Variants in MYO5B observed in about 807,000 individuals in gnomAD.
The protein encoded by MYO5B is unconventional myosin-Vb.
MYO5B carries 143 observed loss-of-function variants against 229.3 expected under a neutral mutation model. The ratio of observed to expected loss-of-function variants is 0.62; its 90% CI spans 0.54 to 0.72. The LOEUF (loss-of-function observed/expected upper bound fraction) is 0.72, where lower values mean the gene tolerates loss of function less well. Among genes scored for constraint, MYO5B ranks in the 30% least tolerant of loss-of-function variants. The pLI is 0.00. For synonymous variants in MYO5B, 918 were observed against 885.2 expected (o/e 1.04, Z -0.66); for missense variants, 2,321 against 2,331.0 (o/e 1.00, Z 0.09).
At chr18:49,896,749 G>A (rs1350630331) in intron 21 of MYO5B, among the ~76,000 whole-genome samples, 1 of 152,124 alleles carries the variant, frequency 6.6e-6, no homozygotes, top group Non-Finnish European at 1.5e-5. Context: ...GTATCCAGGA[G>A]GCCCAGCTGC....
At position 49,843,124 on chromosome 18, in the gene MYO5B, A is replaced by G; in HGVS notation, c.4611+117T>C. On this transcript the variant is annotated intron_variant, in intron 34 of 39. Coordinates refer to ENST00000285039, the MANE Select transcript of MYO5B (RefSeq NM_001080467.3). ...ATGCTTCTGTGGCTCATTTACCTTCAAAGTTGGAGCCCTAGGAGCATTCAC... is the reference window on the plus strand; with the variant it reads ...ATGCTTCTGTGGCTCATTTACCTTCGAAGTTGGAGCCCTAGGAGCATTCAC... 2.2e-6 allele frequency: 3 copies of G among 1,345,428 alleles called. No individual in the cohort carries two copies. In the East Asian group the frequency reaches 7.0e-5, roughly 32 times the overall value. 83.3% of individuals were successfully genotyped at this position (1,345,428 alleles called of 1,614,324 possible).
intron 26 of MYO5B, among the ~76,000 whole-genome samples, chr18:49,874,603 CAATT>C (rs2024494943): frequency 6.6e-6 from 1 of 152,170 alleles, no homozygotes; most frequent in Admixed American, 6.5e-5. Context: ...ATCTGTATCA[CAATT>C]GATTGCAAAG....
At position 49,834,943 on chromosome 18, in the gene MYO5B, T is replaced by C. The variant is rs201482785; in HGVS notation, c.5394+401A>G. On this transcript the variant is annotated intron_variant, in intron 39 of 39. Transcript: ENST00000285039. The stretch of plus-strand genomic sequence containing the variant: ...GTGAGCCACCGCACCTGGCCTATAT[T>C]ATAAGTCTTAGACAAAGATTTAAGA... Among the ~76,000 whole-genome samples, 9 of 152,308 alleles carry C rather than the reference T, an allele frequency of 5.9e-5. No homozygotes were observed. The East Asian group carries it at 1.5e-3, about 26-fold the overall frequency.
intron 1 of MYO5B, among the ~76,000 whole-genome samples, chr18:50,076,582 G>A (rs547865009): frequency 6.6e-6 from 1 of 152,170 alleles, no homozygotes; most frequent in African/African-American, 2.4e-5. Context: ...CCTTGGGCTT[G>A]TCAAATTCCT....
At chr18:49,890,885 G>A (rs535616409) in intron 22 of MYO5B, among the ~76,000 whole-genome samples, 1 of 152,316 alleles carries the variant, frequency 6.6e-6, no homozygotes, top group South Asian at 2.1e-4. Flanking sequence ...TAAAGCAAAA[G>A]TTGAAAATCA....
At chr18:49,830,145 CCACACACA>C (rs57718809) in intron 39 of MYO5B, among the ~76,000 whole-genome samples, 3,760 of 150,008 alleles carry the variant, frequency 0.025, 140 homozygotes, top group South Asian at 0.12. Flanking sequence ...CTGAAAGAAT[CCACACACA>C]CACACACACA....
intron 29 of MYO5B, among the ~76,000 whole-genome samples, chr18:49,858,690 T>C (rs2024292419): frequency 6.6e-6 from 1 of 152,236 alleles, no homozygotes; most frequent in Non-Finnish European, 1.5e-5. Flanking sequence ...CACAGGGCCA[T>C]ACTCCCAGAA....
In MYO5B at chr18:49,990,469, C is replaced by T. The variant is rs1047868917; in HGVS notation, c.808G>A (p.Gly270Ser). The T allele has an allele frequency of 2.2e-5, 36 of 1,613,720 alleles. No individual in the cohort carries two copies. The highest frequency in any genetic ancestry group is 6.7e-5 in the East Asian group (3 of 44,874). The part of the protein sequence containing the change: ...HIFYQLCAAA[G>S]LPEFKELALT... The stretch of plus-strand genomic sequence containing the variant: ...GCAAGCTCTTTAAATTCTGGAAGAC[C>T]GGCAGCAGCACAGAGCTGGTAAAAG... Residue 270 changes from glycine (G) to serine (S), a missense_variant, in exon 7 of 40, where the codon GGT becomes AGT. Gly to Ser is a moderately conservative substitution (Grantham distance 56). Coordinates refer to ENST00000285039, the MANE Select transcript of MYO5B (RefSeq NM_001080467.3).
chr18:50,159,629 T>G (rs2032734092), intron 1 of MYO5B, among the ~76,000 whole-genome samples: 1 of 152,140 alleles, frequency 6.6e-6, no homozygotes, highest in East Asian at 1.9e-4. Flanking sequence ...CCCCACAGAC[T>G]TGTCTCCCAA....
chr18:50,046,787 T>A (rs2030239756), intron 2 of MYO5B, among the ~76,000 whole-genome samples: 1 of 152,164 alleles, frequency 6.6e-6, no homozygotes, highest in Non-Finnish European at 1.5e-5. Context: ...TAACGCCGCA[T>A]ATCTACAACT....
At chr18:49,871,593 A>G (rs1445119353) in intron 27 of MYO5B, 1 of 160,274 alleles carries the variant, frequency 6.2e-6, no homozygotes, top group African/African-American at 2.4e-5. Context: ...CAGGGGAAGG[A>G]ATAGAACAAG....
chr18:50,031,759 C>G (rs903109569), intron 4 of MYO5B, among the ~76,000 whole-genome samples: 3 of 152,184 alleles, frequency 2.0e-5, no homozygotes, highest in Non-Finnish European at 4.4e-5. Flanking sequence ...ATATTATTTC[C>G]TTATCCAAGA....
At chr18:49,960,747 G>A (rs2025549745) in intron 12 of MYO5B, among the ~76,000 whole-genome samples, 1 of 152,190 alleles carries the variant, frequency 6.6e-6, no homozygotes, top group Non-Finnish European at 1.5e-5. Context: ...CACATCCACA[G>A]TACCACCCAA....
intron 1 of MYO5B, among the ~76,000 whole-genome samples, chr18:50,070,725 G>A (rs2030936428): frequency 6.6e-6 from 1 of 152,000 alleles, no homozygotes; most frequent in African/African-American, 2.4e-5. Flanking sequence ...GTTCATACAA[G>A]ACTGTTCGCA....
intron 14 of MYO5B, among the ~76,000 whole-genome samples, chr18:49,951,135 C>G (rs577377615): frequency 5.9e-5 from 9 of 152,302 alleles, no homozygotes; most frequent in African/African-American, 2.2e-4. Context: ...GGGGGAATTA[C>G]GTGCATCCTG....
intron 21 of MYO5B, among the ~76,000 whole-genome samples, chr18:49,901,802 C>T (rs1444012891): frequency 6.6e-6 from 1 of 152,206 alleles, no homozygotes; most frequent in African/African-American, 2.4e-5. Flanking sequence ...AAACCTCGGC[C>T]CTGCCACTGC....
At chr18:50,034,600 C>T (rs1336291715) in intron 4 of MYO5B, among the ~76,000 whole-genome samples, 2 of 152,114 alleles carry the variant, frequency 1.3e-5, no homozygotes, top group East Asian at 3.9e-4. Flanking sequence ...AAATATTAGC[C>T]AGGTGTGGTG....
intron 31 of MYO5B, among the ~76,000 whole-genome samples, chr18:49,851,754 AG>A (rs2024203111): frequency 6.6e-6 from 1 of 152,122 alleles, no homozygotes; most frequent in South Asian, 2.1e-4. Context: ...GAGACTGCCA[AG>A]CACCTTGTGC....
intron 30 of MYO5B, 149 bp downstream of exon 30, chr18:49,856,664 C>A: frequency 1.4e-6 from 1 of 736,048 alleles, no homozygotes; most frequent in Admixed American, 2.0e-5. Context: ...GGCACAGTGA[C>A]AGATGGTCAA....
Sources: allele counts gnomAD v4.1 joint callset (sites outside exome capture counted in the v4.1 genomes callset), GRCh38; gene constraint gnomAD v4.1.1; transcripts MANE v1.5; gene names NCBI Gene and HGNC (gene_info 2026-07-23, HGNC 2026-07-21).